CACHD1: variants seen among roughly 807,000 people sequenced by gnomAD.
The protein encoded by CACHD1 is cache domain containing 1, also known as VWFA and cache domain-containing protein 1.
CACHD1 carries 71 observed loss-of-function variants against 138.7 expected under a neutral mutation model. The observed-to-expected ratio is 0.51, with a 90% confidence interval of 0.42 to 0.62. The LOEUF is 0.62. Among genes scored for constraint, CACHD1 ranks in the 20% least tolerant of loss-of-function variants. CACHD1 has a pLI of 0.00. For missense variants in CACHD1, 1,389 were observed against 1,625.3 expected (o/e 0.85, Z 2.50); for synonymous variants, 578 against 591.5 (o/e 0.98, Z 0.33).
Position 64,632,696 on chromosome 1 carries a change from A to C in CACHD1, c.742A>C (p.Lys248Gln), listed in dbSNP as rs1429672522. The change falls in exon 6 of 27, where the codon AAG becomes CAG. Residue 248 changes from lysine to glutamine, a missense_variant. Physicochemically the swap from Lys to Gln is moderately conservative, Grantham distance 53. This residue lies in a region of CACHD1 where 1,000 missense variants were observed against 1,114.7 expected (regional missense o/e 0.90). Transcript: ENST00000651257. ...SVTDTQLQIA[K>Q]DAAQVILSAI... The stretch of plus-strand genomic sequence containing the variant: ...CACAGACACTCAGCTTCAGATTGCC[A>C]AGGACGCTGCTCAGGTCATCCTCAG... 6.2e-7 allele frequency: 1 copy of C among 1,614,050 alleles called. No homozygotes were observed. Among genetic ancestry groups the C allele is most frequent in the Non-Finnish European group, 8.5e-7 (1 of 1,180,024 alleles).
At chr1:64,635,961 T>C (rs1393038148) in intron 7 of CACHD1, among the ~76,000 whole-genome samples, 5 of 151,426 alleles carry the variant, frequency 3.3e-5, no homozygotes, top group Admixed American at 2.0e-4. Flanking sequence ...AATACAAAAA[T>C]ATAGCTGGAC....
intron 1 of CACHD1, among the ~76,000 whole-genome samples, chr1:64,543,234 A>G (rs1646690880): frequency 1.3e-5 from 2 of 151,356 alleles, no homozygotes; most frequent in South Asian, 4.2e-4. Context: ...AACCACCTGT[A>G]TCCAAAATGA....
At chr1:64,664,470 C>G (rs1570464251) in intron 14 of CACHD1, 28 bp from the exon 15 acceptor site, 1 of 1,605,790 alleles carries the variant, frequency 6.2e-7, no homozygotes, top group Middle Eastern at 1.7e-4. Flanking sequence ...TTTAAAGGAT[C>G]CCTGCTATGT....
At chr1:64,688,871 A>G (rs1650450281) in intron 26 of CACHD1, among the ~76,000 whole-genome samples, 1 of 150,744 alleles carries the variant, frequency 6.6e-6, no homozygotes, top group Admixed American at 6.6e-5. Flanking sequence ...GTACCTTTAC[A>G]CCCCTGTCTT....
intron 4 of CACHD1, among the ~76,000 whole-genome samples, chr1:64,621,163 A>G (rs1647900453): frequency 2.0e-5 from 3 of 152,156 alleles, no homozygotes; most frequent in African/African-American, 7.2e-5. Flanking sequence ...ATGAGAAAAC[A>G]CTTCCTCTTG....
chr1:64,626,584 G>T (rs1396158122), intron 4 of CACHD1, among the ~76,000 whole-genome samples: 2 of 152,152 alleles, frequency 1.3e-5, no homozygotes, highest in Non-Finnish European at 2.9e-5. Context: ...TTCCTGTCTT[G>T]CTAATTGAGC....
At position 64,675,557 on chromosome 1, in the gene CACHD1, C is replaced by T. The variant is rs773639315; in HGVS notation, c.2884C>T (p.His962Tyr). 2 of 1,605,802 alleles carry T rather than the reference C, an allele frequency of 1.2e-6. No individual in the cohort carries two copies. The highest frequency in any genetic ancestry group is 2.2e-5 in the South Asian group (2 of 90,738). The part of the protein sequence containing the change: ...SMVDRLCLNC[H>Y]RMEQNECECP... ...GGTGGACCGACTCTGTCTCAACTGT[C>T]ACCGGTAAAAATGCAATGGGTCATA... The change falls in exon 20 of 27, where the codon CAC becomes TAC. Residue 962 changes from histidine (H) to tyrosine (Y), a missense_variant. By Grantham distance (83) the His-to-Tyr change is moderately conservative. This residue lies in a region of CACHD1 where 50 missense variants were observed against 108.2 expected (regional missense o/e 0.46). Coordinates refer to ENST00000651257, the MANE Select transcript of CACHD1 (RefSeq NM_020925.4).
At chr1:64,610,999 C>T (rs1417007338) in intron 4 of CACHD1, among the ~76,000 whole-genome samples, 2 of 152,230 alleles carry the variant, frequency 1.3e-5, no homozygotes, top group Non-Finnish European at 2.9e-5. Flanking sequence ...AGGCCCAACA[C>T]CACATGGAAC....
At chr1:64,492,377 G>C (rs1300717286) in intron 1 of CACHD1, among the ~76,000 whole-genome samples, 1 of 27,578 alleles carries the variant, frequency 3.6e-5, no homozygotes, top group African/African-American at 4.7e-5. Context: ...ATGGAGTTGG[G>C]TCCCCCTATT....
chr1:64,643,647 T>C (rs187504417), intron 8 of CACHD1, among the ~76,000 whole-genome samples: 33 of 152,210 alleles, frequency 2.2e-4, no homozygotes, highest in African/African-American at 2.4e-4. Context: ...CCATCCTGGC[T>C]AACACGGTGA....
chr1:64,584,050 T>C (rs1647032064), intron 3 of CACHD1, among the ~76,000 whole-genome samples: 1 of 152,096 alleles, frequency 6.6e-6, no homozygotes, highest in Non-Finnish European at 1.5e-5. Flanking sequence ...AAAAATAAAA[T>C]GAGGGTCCAG....
intron 1 of CACHD1, among the ~76,000 whole-genome samples, chr1:64,546,762 G>C (rs1338559326): frequency 2.0e-5 from 3 of 151,920 alleles, no homozygotes; most frequent in Non-Finnish European, 4.4e-5. Flanking sequence ...TTGAATTCCT[G>C]GCTCTTGCAT....
intron 26 of CACHD1, among the ~76,000 whole-genome samples, chr1:64,687,937 C>A (rs1197889255): frequency 6.6e-6 from 1 of 151,806 alleles, no homozygotes; most frequent in Non-Finnish European, 1.5e-5. Context: ...TATAATATGG[C>A]AAAATATAAG....
intron 1 of CACHD1, among the ~76,000 whole-genome samples, chr1:64,488,223 C>T (rs942534834): frequency 6.6e-6 from 1 of 152,018 alleles, no homozygotes; most frequent in Admixed American, 6.6e-5. Flanking sequence ...AAAATCTATT[C>T]GGGACAGTTA....
chr1:64,613,395 G>A (rs1032453622), intron 4 of CACHD1: 1 of 151,902 alleles, frequency 6.6e-6, no homozygotes, highest in Non-Finnish European at 1.5e-5. Context: ...AATATAAAAA[G>A]ACTATAGTGT....
intron 1 of CACHD1, among the ~76,000 whole-genome samples, chr1:64,544,035 G>A (rs995101652): frequency 6.6e-6 from 1 of 151,840 alleles, no homozygotes; most frequent in African/African-American, 2.4e-5. Context: ...GTCTTTTAGG[G>A]GTTAGTGTTG....
rs188597931 is a variant in CACHD1, at chr1:64,634,073, C to T, written c.819C>T (p.Val273=). ...KISVLTVADT[V]RTCSLDQCYK... ...CTGTGTTAACTGTGGCAGATACCGTCCGGACTTGCTCACTAGACCAGTGCT... is the reference window on the plus strand; with the variant it reads ...CTGTGTTAACTGTGGCAGATACCGTTCGGACTTGCTCACTAGACCAGTGCT... Residue 273 remains valine, a synonymous_variant, in exon 7 of 27, where the codon GTC becomes GTT. Coordinates refer to ENST00000651257, the MANE Select transcript of CACHD1 (RefSeq NM_020925.4). The T allele has an allele frequency of 1.5e-4, 243 of 1,611,500 alleles. 2 individuals carry two copies. In the African/African-American group the frequency reaches 3.0e-3, roughly 20 times the overall value.
intron 2 of CACHD1, among the ~76,000 whole-genome samples, chr1:64,562,536 A>G (rs1195125025): frequency 6.7e-6 from 1 of 149,274 alleles, no homozygotes; most frequent in Non-Finnish European, 1.5e-5. Flanking sequence ...CAGCCTCCCA[A>G]GTAGCTGGGA....
intron 1 of CACHD1, among the ~76,000 whole-genome samples, chr1:64,480,424 A>T (rs1241464174): frequency 1.3e-5 from 2 of 152,136 alleles, no homozygotes; most frequent in Non-Finnish European, 2.9e-5. Flanking sequence ...TTGACATAGT[A>T]GTATACATTC....
Sources: gnomAD v4.1 joint callset for allele counts (sites outside exome capture counted in the v4.1 genomes callset) on GRCh38, gnomAD v4.1.1 for gene constraint, gnomAD v4.1.1 regional missense constraint, MANE v1.5 for transcripts, NCBI Gene and HGNC (gene_info 2026-07-23, HGNC 2026-07-21) for gene names.